Variants in PPARGC1A observed in about 807,000 individuals in gnomAD.
PPARGC1A encodes the protein peroxisome proliferator-activated receptor gamma coactivator 1-alpha.
A neutral mutation model predicts 88.7 loss-of-function variants in PPARGC1A; 25 were observed. The observed-to-expected ratio is 0.28, with a 90% CI of 0.21 to 0.39. The LOEUF (loss-of-function observed/expected upper bound fraction) is 0.39, where lower values mean the gene tolerates loss of function less well. Ranked by LOEUF, PPARGC1A falls within the 10% of genes least tolerant of loss-of-function variation. PPARGC1A has a pLI of 1.00. For missense variants in PPARGC1A, 880 were observed against 968.7 expected (o/e 0.91, Z 1.22); for synonymous variants, 363 against 355.6 (o/e 1.02, Z -0.24).
chr4:24,314,597 C>T, the PPARGC1A span, among the ~76,000 whole-genome samples: 1 of 152,122 alleles, frequency 6.6e-6, no homozygotes, highest in East Asian at 1.9e-4. Flanking sequence ...CTAAGACAAT[C>T]TATTTCTTTA....
At chr4:24,139,428 T>G in the PPARGC1A span, among the ~76,000 whole-genome samples, 11 of 152,186 alleles carry the variant, frequency 7.2e-5, no homozygotes, top group Non-Finnish European at 1.6e-4. Context: ...CAATTTTTGC[T>G]GAATAGCTGT....
At chr4:24,447,862 G>C in the PPARGC1A span, among the ~76,000 whole-genome samples, 8 of 152,184 alleles carry the variant, frequency 5.3e-5, no homozygotes, top group African/African-American at 1.9e-4. Context: ...GCAGCATCTA[G>C]AGACTTCATC....
At chr4:24,221,434 G>A in the PPARGC1A span, among the ~76,000 whole-genome samples, 1 of 152,290 alleles carries the variant, frequency 6.6e-6, no homozygotes, top group East Asian at 1.9e-4. Context: ...ATGAGAGATG[G>A]CAGAACCTGG....
chr4:24,121,982 A>G, the PPARGC1A span, among the ~76,000 whole-genome samples: 3 of 152,140 alleles, frequency 2.0e-5, no homozygotes, highest in East Asian at 5.8e-4. Context: ...AGAGCGCGTC[A>G]CTGATGCTGA....
intron 10 of PPARGC1A, 118 bp from the exon 11 acceptor site, chr4:23,802,463 A>C (rs1577333642): frequency 1.6e-6 from 2 of 1,253,878 alleles, no homozygotes; most frequent in East Asian, 2.4e-5. Flanking sequence ...GTGGATCATG[A>C]GGTCAGGAGT....
chr4:24,222,017 T>C, the PPARGC1A span, among the ~76,000 whole-genome samples: 1,394 of 152,012 alleles, frequency 9.2e-3, 30 homozygotes, highest in African/African-American at 0.032. Context: ...TACCCATTGA[T>C]AACACACTGG....
the PPARGC1A span, among the ~76,000 whole-genome samples, chr4:24,259,053 G>A: frequency 6.6e-6 from 1 of 152,172 alleles, no homozygotes; most frequent in Non-Finnish European, 1.5e-5. Context: ...AGATCTGATA[G>A]TTTCTAGACA....
At chr4:24,041,701 T>C in the PPARGC1A span, among the ~76,000 whole-genome samples, 32,339 of 152,130 alleles carry the variant, frequency 0.21, 3,814 homozygotes, top group Admixed American at 0.36. Context: ...GTCACAAACA[T>C]GAACTTTTTG....
the PPARGC1A span, among the ~76,000 whole-genome samples, chr4:24,469,725 G>A: frequency 4.6e-5 from 7 of 152,074 alleles, no homozygotes; most frequent in Non-Finnish European, 8.8e-5. Flanking sequence ...TTGCCTCTTG[G>A]GGAAACGCTT....
the PPARGC1A span, among the ~76,000 whole-genome samples, chr4:24,454,732 T>C: frequency 1.6e-4 from 22 of 137,100 alleles, no homozygotes; most frequent in Non-Finnish European, 2.9e-4. Context: ...AAAGAGACCT[T>C]GTCTCAAAAA....
At chr4:23,938,838 G>A in the PPARGC1A span, among the ~76,000 whole-genome samples, 4 of 152,276 alleles carry the variant, frequency 2.6e-5, no homozygotes, top group East Asian at 1.9e-4. Flanking sequence ...CATGACTTTC[G>A]CTTAGGAGAA....
the PPARGC1A span, among the ~76,000 whole-genome samples, chr4:24,404,226 G>A: frequency 1.3e-5 from 2 of 151,932 alleles, no homozygotes; most frequent in Non-Finnish European, 2.9e-5. Context: ...TCGCGCCACC[G>A]CACTCCAGCC....
the PPARGC1A span, among the ~76,000 whole-genome samples, chr4:24,103,919 GC>G: frequency 6.6e-6 from 1 of 152,244 alleles, no homozygotes; most frequent in Middle Eastern, 3.4e-3. Flanking sequence ...GGCCCGTCAG[GC>G]CAAACGTCAC....
the PPARGC1A span, among the ~76,000 whole-genome samples, chr4:23,921,712 G>T: frequency 7.7e-4 from 117 of 152,290 alleles, 1 homozygote; most frequent in Middle Eastern, 3.4e-3. Context: ...AAGCAAGTGT[G>T]GTTTTACTGG....
the PPARGC1A span, among the ~76,000 whole-genome samples, chr4:23,936,693 A>G: frequency 2.0e-5 from 3 of 152,226 alleles, no homozygotes; most frequent in Middle Eastern, 3.4e-3. Flanking sequence ...GCGACATGGG[A>G]AAACCCGTCT....
At chr4:24,319,895 T>C in the PPARGC1A span, among the ~76,000 whole-genome samples, 2 of 152,186 alleles carry the variant, frequency 1.3e-5, no homozygotes, top group African/African-American at 2.4e-5. Flanking sequence ...AGTCATTTTT[T>C]TCCTTCTTCT....
chr4:24,331,962 G>A, the PPARGC1A span, among the ~76,000 whole-genome samples: 1 of 151,904 alleles, frequency 6.6e-6, no homozygotes, highest in Middle Eastern at 3.4e-3. Flanking sequence ...AGGCCCCGGT[G>A]TGTGACGTTC....
intron 10 of PPARGC1A, among the ~76,000 whole-genome samples, chr4:23,802,957 A>G (rs186910349): frequency 6.6e-6 from 1 of 152,260 alleles, no homozygotes; most frequent in African/African-American, 2.4e-5. Flanking sequence ...AAATCTGTAT[A>G]GTGCATTCTT....
At chr4:24,038,652 G>GA in the PPARGC1A span, among the ~76,000 whole-genome samples, 2 of 152,148 alleles carry the variant, frequency 1.3e-5, no homozygotes, top group Non-Finnish European at 2.9e-5. Flanking sequence ...CAAGGTAGGG[G>GA]AAGAGTCATT....
Sources: allele counts gnomAD v4.1 joint callset (sites outside exome capture counted in the v4.1 genomes callset), GRCh38; gene constraint gnomAD v4.1.1; transcripts MANE v1.5; gene names NCBI Gene and HGNC (gene_info 2026-07-23, HGNC 2026-07-21).